Variants in SQSTM1 observed in about 807,000 individuals in gnomAD.
The protein encoded by SQSTM1 is sequestosome 1, also known as sequestosome-1.
A neutral mutation model predicts 45.1 loss-of-function variants in SQSTM1; 36 were observed. That is an observed-to-expected ratio of 0.80 (90% CI 0.61 to 1.05). The LOEUF (loss-of-function observed/expected upper bound fraction) is 1.05, where lower values mean the gene tolerates loss of function less well. Ranked by LOEUF, SQSTM1 falls within the 50% of genes least tolerant of loss-of-function variation. The probability of loss-of-function intolerance (pLI) is 0.00; values close to 1 mark genes in which losing one functional copy is unlikely to be tolerated. For synonymous variants in SQSTM1, 290 were observed against 244.3 expected (o/e 1.19, Z -1.74); for missense variants, 617 against 607.1 (o/e 1.02, Z -0.17).
upstream of SQSTM1, among the ~76,000 whole-genome samples, chr5:179,815,709 C>T (rs945244352): frequency 1.3e-5 from 2 of 152,182 alleles, no homozygotes; most frequent in Non-Finnish European, 2.9e-5. Flanking sequence ...GTTGGCCAAG[C>T]TTTGGCCATG....
chr5:179,828,652 G>C (rs944316605), intron 5 of SQSTM1, among the ~76,000 whole-genome samples: 1 of 152,152 alleles, frequency 6.6e-6, no homozygotes, highest in Non-Finnish European at 1.5e-5. Context: ...GGGATTACAG[G>C]CGTGAGCCAC....
At chr5:179,826,139 G>A (rs1344128959) in intron 5 of SQSTM1, among the ~76,000 whole-genome samples, 1 of 151,866 alleles carries the variant, frequency 6.6e-6, no homozygotes, top group Non-Finnish European at 1.5e-5. Flanking sequence ...GGGCGTGACT[G>A]CCATCTGCTC....
At chr5:179,815,862 C>T (rs763048656), upstream of SQSTM1, among the ~76,000 whole-genome samples, 2 of 152,096 alleles carry the variant, frequency 1.3e-5, no homozygotes, top group Non-Finnish European at 1.5e-5. Context: ...ATGGGACACA[C>T]GGGGCACACA....
At chr5:179,833,555 C>A in intron 6 of SQSTM1, 32 bp from the exon 7 acceptor site, 1 of 1,613,014 alleles carries the variant, frequency 6.2e-7, no homozygotes, top group Non-Finnish European at 8.5e-7. Context: ...TTGCGCGTGT[C>A]TCCTGTGTGC....
chr5:179,837,074 C>T lies in SQSTM1; in HGVS notation c.*481C>T. The T allele has an allele frequency of 2.6e-6, 2 of 768,984 alleles. No homozygotes were observed. The highest frequency in any genetic ancestry group is 3.1e-5 in the South Asian group (2 of 65,372). The allele number at this position is 768,984 out of a possible 1,614,324, so 47.6% of individuals were successfully genotyped here. On this transcript the variant is annotated 3_prime_UTR_variant, in exon 8 of 8. Coordinates refer to ENST00000389805, the MANE Select transcript of SQSTM1 (RefSeq NM_003900.5). Reference sequence around the variant, plus strand: ...CAGTGTTGTGGGCTTCCTGCTGGGACTGAGAAGGCTCACGAAGGGCATCCG... The same window carrying T: ...CAGTGTTGTGGGCTTCCTGCTGGGATTGAGAAGGCTCACGAAGGGCATCCG...
intron 2 of SQSTM1, among the ~76,000 whole-genome samples, chr5:179,823,372 G>C (rs533156240): frequency 7.7e-6 from 1 of 130,064 alleles, no homozygotes; most frequent in African/African-American, 2.8e-5. Flanking sequence ...AGGCTGAGAC[G>C]AGAATCACTT....
At chr5:179,828,745 G>A (rs1314568101) in intron 5 of SQSTM1, among the ~76,000 whole-genome samples, 1 of 152,118 alleles carries the variant, frequency 6.6e-6, no homozygotes, top group Non-Finnish European at 1.5e-5. Context: ...ACAGATGGAG[G>A]TACTTGTAGT....
chr5:179,836,415 G>C, intron 7 of SQSTM1, 21 bp from the exon 8 acceptor site: 1 of 1,614,162 alleles, frequency 6.2e-7, no homozygotes, highest in Non-Finnish European at 8.5e-7. Context: ...ACTCCTCATG[G>C]CTTCCTTACT....
intron 5 of SQSTM1, among the ~76,000 whole-genome samples, chr5:179,828,458 CT>C (rs566478296): frequency 2.8e-4 from 40 of 145,236 alleles, no homozygotes; most frequent in South Asian, 8.7e-4. Flanking sequence ...ACTACAACCT[CT>C]GCCTCCCGGG....
Position 179,836,753 on chromosome 5 carries a change from T to A in SQSTM1, c.*160T>A. ...ATTTAGGGCAGCAAAACAAGTGACA[T>A]GAAGGGAGGGTCCCTGTGTGTGTGT... On this transcript the variant is annotated 3_prime_UTR_variant, in exon 8 of 8. Transcript: ENST00000389805. 9.3e-7 allele frequency: 1 copy of A among 1,073,792 alleles called. No individual in the cohort carries two copies. The highest frequency in any genetic ancestry group is 1.4e-6 in the Non-Finnish European group (1 of 708,844). The allele number at this position is 1,073,792 out of a possible 1,614,324, so 66.5% of individuals were successfully genotyped here. A position where few individuals can be genotyped will look rare whatever the true frequency, so the allele number is the denominator to read the frequency against.
rs769297000 is a variant in SQSTM1, at chr5:179,833,033, C to T, written c.756C>T (p.Gly252=). ...ESVAAALSPL[G]IEVDIDVEHG... ...TGCTCTTTCCTCCTCCGCCTCTAGG[C>T]ATTGAAGTTGATATCGATGTGGAGC... The change falls in exon 6 of 8, where the codon GGC becomes GGT. Residue 252 remains glycine (G), a splice_region_variant and synonymous_variant. Coordinates refer to ENST00000389805, the MANE Select transcript of SQSTM1 (RefSeq NM_003900.5). The T allele has an allele frequency of 8.1e-6, 13 of 1,614,022 alleles. No individual in the cohort carries two copies. Among genetic ancestry groups the T allele is most frequent in the African/African-American group, 2.7e-5 (2 of 74,910 alleles).
chr5:179,826,459 G>A (rs1454958479), intron 5 of SQSTM1, among the ~76,000 whole-genome samples: 1 of 152,056 alleles, frequency 6.6e-6, no homozygotes, highest in Non-Finnish European at 1.5e-5. Flanking sequence ...GAACCACTGC[G>A]CCTGGCCTTG....
chr5:179,818,976 A>C (rs940001975), upstream of SQSTM1: 1 of 152,550 alleles, frequency 6.6e-6, no homozygotes, highest in Non-Finnish European at 1.5e-5. Flanking sequence ...CAGCCGCTGC[A>C]CGCTCTTCCT....
chr5:179,820,846 T>C, upstream of SQSTM1: 5 of 1,252,368 alleles, frequency 4.0e-6, no homozygotes, highest in Non-Finnish European at 5.2e-6. Flanking sequence ...TCCGCCCCTC[T>C]CGAGGCGGGG....
rs1175359430 is a variant in SQSTM1, at chr5:179,820,960, C to T, written c.24C>T (p.Ala8=). The change falls in exon 1 of 8, where the codon GCC becomes GCT. Residue 8 remains alanine, a synonymous_variant. Transcript: ENST00000389805. ...CTATGGCGTCGCTCACCGTGAAGGC[C>T]TACCTTCTGGGCAAGGAGGACGCGG... MASLTVK[A]YLLGKEDAAR... is the part of the protein sequence containing the mutation. 3 of 1,571,988 alleles carry T rather than the reference C, an allele frequency of 1.9e-6. No homozygotes were observed. The highest frequency in any genetic ancestry group is 1.7e-5 in the Admixed American group (1 of 57,530).
chr5:179,835,902 C>T (rs1758529111), intron 7 of SQSTM1: 2 of 208,662 alleles, frequency 9.6e-6, no homozygotes, highest in East Asian at 1.1e-4. Context: ...TTTCTTTATC[C>T]ACTCATTGCT....
intron 2 of SQSTM1, chr5:179,812,045 C>G (rs1474738914): frequency 6.6e-6 from 1 of 152,184 alleles, no homozygotes; most frequent in African/African-American, 2.4e-5. Flanking sequence ...ACTTCATGAT[C>G]CGCCCGCCTC....
chr5:179,835,008 A>C (rs1758456225), intron 7 of SQSTM1: 1 of 220,108 alleles, frequency 4.5e-6, no homozygotes, highest in Non-Finnish European at 9.2e-6. Flanking sequence ...CACATCCCGG[A>C]CGGGGTGGCT....
chr5:179,824,137 C>T, intron 3 of SQSTM1, 45 bp from the exon 4 acceptor site: 1 of 1,613,542 alleles, frequency 6.2e-7, no homozygotes, highest in South Asian at 1.1e-5. Context: ...GTGGCAGGAA[C>T]CTTGACCCGC....
Sources: gnomAD v4.1 joint callset for allele counts (sites outside exome capture counted in the v4.1 genomes callset) on GRCh38, gnomAD v4.1.1 for gene constraint, MANE v1.5 for transcripts, NCBI Gene and HGNC (gene_info 2026-07-23, HGNC 2026-07-21) for gene names.